Variants in GRM8 observed in about 807,000 individuals in gnomAD.
GRM8 encodes the protein metabotropic glutamate receptor 8.
GRM8 carries 47 observed loss-of-function variants against 87.2 expected under a neutral mutation model. That is an observed-to-expected ratio of 0.54 (90% CI 0.43 to 0.69). The LOEUF (loss-of-function observed/expected upper bound fraction) is 0.69, where lower values mean the gene tolerates loss of function less well. Ranked by LOEUF, GRM8 falls within the 30% of genes least tolerant of loss-of-function variation. The pLI is 0.00. For synonymous variants in GRM8, 396 were observed against 404.5 expected (o/e 0.98, Z 0.25); for missense variants, 1,019 against 1,139.2 (o/e 0.89, Z 1.52).
intron 6 of GRM8, among the ~76,000 whole-genome samples, chr7:126,772,359 G>A (rs1818938726): frequency 6.6e-6 from 1 of 152,118 alleles, no homozygotes; most frequent in Non-Finnish European, 1.5e-5. Context: ...CATTTATTTT[G>A]CATCGCTGAA....
chr7:126,886,582 A>T (rs1019121151), intron 6 of GRM8, among the ~76,000 whole-genome samples: 4 of 152,136 alleles, frequency 2.6e-5, no homozygotes, highest in African/African-American at 9.7e-5. Flanking sequence ...AGGCTTCATT[A>T]ATTTCTGAAC....
chr7:126,665,348 C>T (rs1230863731), intron 7 of GRM8, among the ~76,000 whole-genome samples: 1 of 152,106 alleles, frequency 6.6e-6, no homozygotes, highest in Non-Finnish European at 1.5e-5. Flanking sequence ...ATGGAATCAA[C>T]CTGGGTGCCT....
At chr7:127,065,480 C>G (rs970411997) in intron 3 of GRM8, among the ~76,000 whole-genome samples, 1 of 152,102 alleles carries the variant, frequency 6.6e-6, no homozygotes, top group Non-Finnish European at 1.5e-5. Flanking sequence ...TTGTTTACCT[C>G]TGTAACAAAC....
intron 7 of GRM8, among the ~76,000 whole-genome samples, chr7:126,668,633 G>T (rs1806055009): frequency 6.6e-6 from 1 of 152,158 alleles, no homozygotes; most frequent in African/African-American, 2.4e-5. Context: ...CTGGTCAAGG[G>T]GTTCAGCTCC....
At chr7:127,235,585 T>G (rs1286387277) in intron 2 of GRM8, among the ~76,000 whole-genome samples, 1 of 152,206 alleles carries the variant, frequency 6.6e-6, no homozygotes, top group Non-Finnish European at 1.5e-5. Context: ...TATCAGAGAT[T>G]TGTAAAATAA....
chr7:127,212,487 G>A (rs1186945376), intron 2 of GRM8, among the ~76,000 whole-genome samples: 2 of 139,204 alleles, frequency 1.4e-5, no homozygotes, highest in Non-Finnish European at 3.0e-5. Flanking sequence ...GCGGGATCTC[G>A]GCTCACTGCA....
At chr7:127,212,707 G>A (rs1245585916) in intron 2 of GRM8, among the ~76,000 whole-genome samples, 3 of 152,168 alleles carry the variant, frequency 2.0e-5, no homozygotes, top group African/African-American at 4.8e-5. Context: ...GTGAGCCACC[G>A]CGCCCGGCCG....
chr7:127,033,031 G>T (rs1817527194), intron 3 of GRM8, among the ~76,000 whole-genome samples: 1 of 131,730 alleles, frequency 7.6e-6, no homozygotes, highest in African/African-American at 3.0e-5. Context: ...TTTCTAACAT[G>T]GTATCTTGTT....
chr7:127,015,001 A>AAG (rs1265203751), intron 3 of GRM8, among the ~76,000 whole-genome samples: 36 of 59,702 alleles, frequency 6.0e-4, no homozygotes, highest in African/African-American at 1.9e-3. Context: ...GAAGAAGAAG[A>AAG]AAGAAGAAGA....
At chr7:127,011,479 A>G (rs1036866508) in intron 3 of GRM8, among the ~76,000 whole-genome samples, 1 of 152,172 alleles carries the variant, frequency 6.6e-6, no homozygotes, top group African/African-American at 2.4e-5. Context: ...CATGATATAT[A>G]ATGTTTATTA....
At chr7:126,997,569 CA>C (rs1338091855) in intron 3 of GRM8, among the ~76,000 whole-genome samples, 1 of 146,096 alleles carries the variant, frequency 6.8e-6, no homozygotes, top group East Asian at 2.0e-4. Context: ...AGAGACGATC[CA>C]AACAAATAAA....
chr7:126,622,069 A>T (rs1480562196), intron 7 of GRM8, among the ~76,000 whole-genome samples: 1 of 152,176 alleles, frequency 6.6e-6, no homozygotes, highest in African/African-American at 2.4e-5. Context: ...TCAATTGTAC[A>T]TCTTCTTTGC....
chr7:127,071,279 A>G (rs1821657574), intron 3 of GRM8, among the ~76,000 whole-genome samples: 3 of 152,224 alleles, frequency 2.0e-5, no homozygotes, highest in South Asian at 4.1e-4. Flanking sequence ...ATTTGAAAAA[A>G]TGTCCTAGTT....
Position 127,050,922 on chromosome 7 carries a change from G to A in GRM8, c.727+55574C>T, listed in dbSNP as rs1014229293. Among the ~76,000 whole-genome samples, 11 of 152,208 alleles carry A rather than the reference G, an allele frequency of 7.2e-5. No individual in the cohort carries two copies. The East Asian group carries it at 1.3e-3, about 19-fold the overall frequency. On this transcript the variant is annotated intron_variant, in intron 3 of 10. Transcript: ENST00000339582. ...AAGGAACACAGAATTTGCAATTATA[G>A]GGAAGTTATTTCTGAGCATAATTAA...
At chr7:126,794,396 T>C (rs1172407437) in intron 6 of GRM8, among the ~76,000 whole-genome samples, 1 of 152,098 alleles carries the variant, frequency 6.6e-6, no homozygotes, top group Non-Finnish European at 1.5e-5. Flanking sequence ...CTCAGAAAAA[T>C]GGGGTCCTTA....
At chr7:126,740,310 T>C (rs1313075929) in intron 7 of GRM8, among the ~76,000 whole-genome samples, 2 of 152,058 alleles carry the variant, frequency 1.3e-5, no homozygotes, top group African/African-American at 4.8e-5. Flanking sequence ...ATATCACCTC[T>C]GATTATTAAT....
intron 6 of GRM8, among the ~76,000 whole-genome samples, chr7:126,881,798 A>G (rs13312047): frequency 1.2e-4 from 19 of 152,230 alleles, no homozygotes; most frequent in South Asian, 6.2e-4. Context: ...TGGACATCCA[A>G]TGAAAAACTG....
intron 2 of GRM8, among the ~76,000 whole-genome samples, chr7:127,136,347 C>G (rs1321507468): frequency 6.6e-6 from 1 of 152,042 alleles, no homozygotes; most frequent in African/African-American, 2.4e-5. Context: ...CCCCTAATAG[C>G]CAGAAGCATC....
At chr7:127,109,722 C>T (rs193209558) in intron 2 of GRM8, among the ~76,000 whole-genome samples, 450 of 152,280 alleles carry the variant, frequency 3.0e-3, no homozygotes, top group African/African-American at 1.0e-2. Flanking sequence ...CTTTATTTGG[C>T]ATCCCCAACA....
Sources: allele counts gnomAD v4.1 joint callset (sites outside exome capture counted in the v4.1 genomes callset), GRCh38; gene constraint gnomAD v4.1.1; transcripts MANE v1.5; gene names NCBI Gene and HGNC (gene_info 2026-07-23, HGNC 2026-07-21).